Variants in ACOT11 observed in about 807,000 individuals in gnomAD.
The protein encoded by ACOT11 is acyl-CoA thioesterase 11.
In ACOT11, 69 loss-of-function variants were observed where a neutral mutation model predicts 77.5. That is an observed-to-expected ratio of 0.89 (90% CI 0.73 to 1.09). The LOEUF (loss-of-function observed/expected upper bound fraction) is 1.09. ACOT11 is among the 50% of genes least tolerant of loss of function. ACOT11 has a pLI of 0.00. For synonymous variants in ACOT11, 279 were observed against 313.0 expected (o/e 0.89, Z 1.15); for missense variants, 766 against 813.7 (o/e 0.94, Z 0.71).
In ACOT11 at chr1:54,554,331, GTGTATA is replaced by G. The variant is rs1483586048; in HGVS notation, c.33+5991_33+5996del. Among the ~76,000 whole-genome samples the G allele has an allele frequency of 1.2e-3, 77 of 63,272 alleles. 1 individual carries two copies. Among genetic ancestry groups the G allele is most frequent in the Non-Finnish European group, 2.3e-3 (64 of 28,414 alleles). The allele number at this position is 63,272 out of a possible 152,430, so 41.5% of individuals were successfully genotyped here. A position where few individuals can be genotyped will look rare whatever the true frequency, so the allele number is the denominator to read the frequency against. ...TGTGTGTGTGTGTGTGTGTGTGTGT[GTGTATA>G]TATATATATATATATTTTTTTTTTT... On this transcript the variant is annotated intron_variant, in intron 1 of 15. Transcript: ENST00000343744.
chr1:54,549,360 C>T (rs1473114274), intron 1 of ACOT11, among the ~76,000 whole-genome samples: 2 of 152,204 alleles, frequency 1.3e-5, no homozygotes, highest in Non-Finnish European at 2.9e-5. Flanking sequence ...CCACCATCCC[C>T]ACCCCTCTGC....
downstream of ACOT11, chr1:54,611,547 C>T (rs1397988988): frequency 1.9e-6 from 3 of 1,579,854 alleles, no homozygotes; most frequent in African/African-American, 1.3e-5. Context: ...CCAGTGCCCA[C>T]CAGGTGCTGC....
intron 1 of ACOT11, among the ~76,000 whole-genome samples, chr1:54,562,247 G>C (rs1401652229): frequency 1.5e-4 from 17 of 112,414 alleles, no homozygotes; most frequent in Non-Finnish European, 2.0e-4. Context: ...TCCCGGACGG[G>C]GCGGCTGGCC....
intron 15 of ACOT11, chr1:54,623,195 G>A: frequency 1.1e-6 from 1 of 896,680 alleles, no homozygotes; most frequent in Non-Finnish European, 1.8e-6. Context: ...AAAAGGGACT[G>A]GTCAGAGCTG....
At chr1:54,598,376 T>G (rs1304548686) in intron 7 of ACOT11, 1 of 152,300 alleles carries the variant, frequency 6.6e-6, no homozygotes, top group Non-Finnish European at 1.5e-5. Context: ...AAAGCCCTGC[T>G]TTCTTCTGTC....
At chr1:54,633,277 G>C (rs1266298372) in intron 16 of ACOT11, among the ~76,000 whole-genome samples, 1 of 152,162 alleles carries the variant, frequency 6.6e-6, no homozygotes, top group African/African-American at 2.4e-5. Context: ...TGAACAATTA[G>C]AAAATGGGCA....
chr1:54,588,658 A>T (rs1295052712), intron 3 of ACOT11, among the ~76,000 whole-genome samples: 3 of 152,110 alleles, frequency 2.0e-5, no homozygotes, highest in African/African-American at 4.8e-5. Context: ...GTGTATAGTG[A>T]TACTTTGAAG....
chr1:54,556,659 G>A (rs1569638892), intron 1 of ACOT11, among the ~76,000 whole-genome samples: 1 of 151,566 alleles, frequency 6.6e-6, no homozygotes, highest in East Asian at 1.9e-4. Context: ...TTGGCTCACT[G>A]CAACCTCTGC....
At chr1:54,581,830 C>T (rs935537176) in intron 1 of ACOT11, among the ~76,000 whole-genome samples, 1 of 152,238 alleles carries the variant, frequency 6.6e-6, no homozygotes, top group Non-Finnish European at 1.5e-5. Flanking sequence ...TTGGCCAAAA[C>T]TTGCCTGGGC....
At chr1:54,610,462 AGCCAC>A (rs1644105225), downstream of ACOT11, 1 of 1,613,072 alleles carries the variant, frequency 6.2e-7, no homozygotes, top group African/African-American at 1.3e-5. Flanking sequence ...GTCAGGAACC[AGCCAC>A]TCCACATTCA....
At chr1:54,556,755 T>C (rs1361227720) in intron 1 of ACOT11, among the ~76,000 whole-genome samples, 1 of 151,330 alleles carries the variant, frequency 6.6e-6, no homozygotes, top group Non-Finnish European at 1.5e-5. Flanking sequence ...CTAATTTTTG[T>C]ATTTTTAGTA....
intron 1 of ACOT11, among the ~76,000 whole-genome samples, chr1:54,572,212 G>A (rs566098561): frequency 3.1e-4 from 47 of 151,898 alleles, no homozygotes; most frequent in African/African-American, 1.1e-3. Context: ...CTCTCTCTCT[G>A]ACTCTGGTTT....
chr1:54,567,819 C>T (rs1055962836), intron 1 of ACOT11, among the ~76,000 whole-genome samples: 3 of 152,190 alleles, frequency 2.0e-5, no homozygotes, highest in African/African-American at 7.2e-5. Flanking sequence ...CAGCCCTCTC[C>T]CCTGACTGCA....
At chr1:54,569,760 A>C (rs1051022145) in intron 1 of ACOT11, among the ~76,000 whole-genome samples, 2 of 152,214 alleles carry the variant, frequency 1.3e-5, no homozygotes, top group Non-Finnish European at 2.9e-5. Flanking sequence ...CAGCATGCAT[A>C]CAACTTAAAA....
chr1:54,575,984 A>G (rs1488876524), intron 1 of ACOT11, among the ~76,000 whole-genome samples: 11 of 152,238 alleles, frequency 7.2e-5, no homozygotes, highest in Non-Finnish European at 1.5e-4. Flanking sequence ...AACAGCAGGA[A>G]CTGAGGCAGA....
At position 54,599,372 on chromosome 1, in the gene ACOT11, C is replaced by T. The variant is rs760224868; in HGVS notation, c.841C>T (p.Arg281Cys). ...CCGAGGCCCGTCCCAGGTCGGCGAC[C>T]GTCTGGTGCTCAAAGCCATCGTGAA... ...HFRGPSQVGDRLVLKAIVNNA... is the reference protein window; with the variant it reads ...HFRGPSQVGDCLVLKAIVNNA... Residue 281 changes from arginine to cysteine, a missense_variant, in exon 8 of 16, where the codon CGT (arginine) becomes TGT (cysteine). Transcript: ENST00000343744. The T allele has an allele frequency of 1.9e-5, 30 of 1,608,186 alleles. No homozygotes were observed. Among genetic ancestry groups the T allele is most frequent in the Middle Eastern group, 2.0e-4 (1 of 4,960 alleles).
chr1:54,550,346 G>A (rs1653020248), intron 1 of ACOT11, among the ~76,000 whole-genome samples: 1 of 152,196 alleles, frequency 6.6e-6, no homozygotes. Context: ...GTAGCCTCCT[G>A]TCAGCTAAGA....
intron 11 of ACOT11, 128 bp downstream of exon 11, chr1:54,604,065 A>G: frequency 1.1e-6 from 1 of 875,706 alleles, no homozygotes; most frequent in South Asian, 1.5e-5. Context: ...CATGATTGCT[A>G]CCATTAGCAA....
chr1:54,636,516 T>C (rs1257573880), exon 17 of ACOT11: 1 of 152,234 alleles, frequency 6.6e-6, no homozygotes, highest in Non-Finnish European at 1.5e-5. Context: ...TCTCAGTAGA[T>C]GGAAGTATAT....
Sources: gnomAD v4.1 joint callset for allele counts (sites outside exome capture counted in the v4.1 genomes callset) on GRCh38, gnomAD v4.1.1 for gene constraint, MANE v1.5 for transcripts, NCBI Gene and HGNC (gene_info 2026-07-23, HGNC 2026-07-21) for gene names.